The following CDH22 variants were observed in gnomAD, a reference collection of about 807,000 sequenced individuals.
The protein encoded by CDH22 is cadherin 22, also known as cadherin-22.
Under a neutral mutation model 58.4 loss-of-function variants are expected in CDH22, and 30 were observed. The ratio of observed to expected loss-of-function variants is 0.51; its 90% CI spans 0.38 to 0.70. CDH22 has a LOEUF of 0.70. Among genes scored for constraint, CDH22 ranks in the 30% least tolerant of loss-of-function variants. The pLI is 0.00. For missense variants in CDH22, 1,014 were observed against 1,233.9 expected, an observed-to-expected ratio of 0.82 and a Z score of 2.67; for synonymous variants, 513 against 558.2, an observed-to-expected ratio of 0.92 and a Z score of 1.14.
chr20:46,301,934 C>G (rs565365364), intron 1 of CDH22, among the ~76,000 whole-genome samples: 17 of 152,284 alleles, frequency 1.1e-4, no homozygotes, highest in Admixed American at 7.2e-4. Flanking sequence ...AACTTCTGGG[C>G]TCCTGGACAG....
Position 46,241,003 on chromosome 20 carries a change from G to A in CDH22, c.510C>T (p.His170=), listed in dbSNP as rs368622255. 51 of 1,613,726 alleles carry A rather than the reference G, an allele frequency of 3.2e-5. No homozygotes were observed. The highest frequency in any genetic ancestry group is 6.7e-5 in the East Asian group (3 of 44,894). Residue 170 remains histidine (H), a synonymous_variant, in exon 3 of 12, where the codon CAC becomes CAT. Transcript: ENST00000537909. This position sits in a 1 kb window ranked among gnomAD's most constrained non-coding sequence, Gnocchi z 5.2. The part of the protein sequence containing the change: ...DINDSEPRFL[H]GPYIGSVAEL... Reference sequence around the variant, plus strand: ...CGGCCACGCTGCCAATATAGGGGCCGTGCAGGAAGCGGGGCTCACTGTCAT... The same window carrying A: ...CGGCCACGCTGCCAATATAGGGGCCATGCAGGAAGCGGGGCTCACTGTCAT...
chr20:46,293,699 C>T (rs1438549496), intron 1 of CDH22, among the ~76,000 whole-genome samples: 1 of 152,032 alleles, frequency 6.6e-6, no homozygotes, highest in Non-Finnish European at 1.5e-5. Context: ...TCCATCCATT[C>T]AACAGGTATT....
intron 1 of CDH22, among the ~76,000 whole-genome samples, chr20:46,277,446 A>T (rs369096496): frequency 2.0e-4 from 30 of 152,252 alleles, no homozygotes; most frequent in African/African-American, 7.0e-4. Context: ...GCAAAAAATG[A>T]ATAAGGCAAT....
At chr20:46,243,600 T>A (rs1211707918) in intron 2 of CDH22, among the ~76,000 whole-genome samples, 1 of 152,188 alleles carries the variant, frequency 6.6e-6, no homozygotes, top group East Asian at 1.9e-4. Context: ...CCCTGAATCA[T>A]TGGCAGTGCT....
At chr20:46,204,301 G>A (rs2085982267) in intron 7 of CDH22, among the ~76,000 whole-genome samples, 1 of 150,938 alleles carries the variant, frequency 6.6e-6, no homozygotes, top group Non-Finnish European at 1.5e-5. Context: ...GGCTGAGGCA[G>A]GAGAATTGCA....
chr20:46,226,679 G>A (rs2086177322), intron 4 of CDH22, among the ~76,000 whole-genome samples: 2 of 152,072 alleles, frequency 1.3e-5, no homozygotes, highest in Non-Finnish European at 2.9e-5. Context: ...CCACAGGGCT[G>A]TGAGCCTCAC....
chr20:46,267,665 G>A (rs1183072710), intron 1 of CDH22, among the ~76,000 whole-genome samples: 3 of 152,236 alleles, frequency 2.0e-5, no homozygotes, highest in Non-Finnish European at 4.4e-5. Flanking sequence ...GGACTATTGG[G>A]CTGGGAGCCC....
intron 1 of CDH22, among the ~76,000 whole-genome samples, chr20:46,283,698 G>A (rs2086561215): frequency 6.6e-6 from 1 of 151,946 alleles, no homozygotes; most frequent in Admixed American, 6.6e-5. Context: ...TTCTGAGTTG[G>A]ATGTCTACCC....
At chr20:46,305,099 G>A (rs2086668665) in intron 1 of CDH22, among the ~76,000 whole-genome samples, 2 of 152,184 alleles carry the variant, frequency 1.3e-5, no homozygotes, top group Admixed American at 1.3e-4. Flanking sequence ...CAGCCACTGT[G>A]TATCATCAAC....
chr20:46,211,678 C>G (rs1004555509), intron 6 of CDH22, among the ~76,000 whole-genome samples: 3 of 152,156 alleles, frequency 2.0e-5, no homozygotes, highest in African/African-American at 7.2e-5. Context: ...GAGTTTGAAG[C>G]CTGATTCTGC....
intron 10 of CDH22, among the ~76,000 whole-genome samples, 175 bp downstream of exon 10, chr20:46,186,413 C>T (rs2085825341): frequency 6.6e-6 from 1 of 151,766 alleles, no homozygotes; most frequent in African/African-American, 2.4e-5. Context: ...AACCCACACC[C>T]TGCTTGTGTT....
At chr20:46,273,316 C>T (rs1308791193) in intron 1 of CDH22, among the ~76,000 whole-genome samples, 4 of 152,170 alleles carry the variant, frequency 2.6e-5, no homozygotes, top group Non-Finnish European at 5.9e-5. Flanking sequence ...CCTGGTAATT[C>T]CTTACAAAGA....
chr20:46,236,522 A>G (rs1309936603), intron 3 of CDH22, among the ~76,000 whole-genome samples: 1 of 137,994 alleles, frequency 7.2e-6, no homozygotes, highest in East Asian at 2.0e-4. Flanking sequence ...ATTATATATA[A>G]TATATAATAT....
At chr20:46,249,104 CCT>C (rs989492222) in intron 2 of CDH22, among the ~76,000 whole-genome samples, 3 of 152,164 alleles carry the variant, frequency 2.0e-5, no homozygotes, top group Non-Finnish European at 2.9e-5. Flanking sequence ...TCTCTGAGCC[CCT>C]GTTTTTACAG....
intron 8 of CDH22, among the ~76,000 whole-genome samples, chr20:46,187,468 A>C (rs1225908744): frequency 6.6e-6 from 1 of 151,256 alleles, no homozygotes; most frequent in African/African-American, 2.4e-5. Context: ...CATCACTACC[A>C]TCACCATTAG....
chr20:46,281,206 C>T (rs1262653932), intron 1 of CDH22, among the ~76,000 whole-genome samples: 1 of 152,134 alleles, frequency 6.6e-6, no homozygotes. Flanking sequence ...TGGAGGGTGG[C>T]TTTGGAAGGG....
chr20:46,209,446 C>G (rs2086023934), intron 7 of CDH22, among the ~76,000 whole-genome samples: 1 of 152,046 alleles, frequency 6.6e-6, no homozygotes, highest in South Asian at 2.1e-4. Context: ...TATTCTGAGC[C>G]TAGTAGGTGT....
chr20:46,285,278 G>A (rs1421120592), intron 1 of CDH22, among the ~76,000 whole-genome samples: 2 of 152,142 alleles, frequency 1.3e-5, no homozygotes, highest in African/African-American at 4.8e-5. Context: ...ATGTCAACAT[G>A]ACATTTTTCC....
At chr20:46,287,654 C>T (rs934237464) in intron 1 of CDH22, among the ~76,000 whole-genome samples, 4 of 151,604 alleles carry the variant, frequency 2.6e-5, no homozygotes, top group Non-Finnish European at 5.9e-5. Flanking sequence ...GAGGCCACAC[C>T]GTGCAGGATC....
Sources: allele counts gnomAD v4.1 joint callset (sites outside exome capture counted in the v4.1 genomes callset), GRCh38; gene constraint gnomAD v4.1.1; non-coding constraint Gnocchi (gnomAD v3.1); transcripts MANE v1.5; gene names NCBI Gene and HGNC (gene_info 2026-07-23, HGNC 2026-07-21).